The following RAI14 variants were observed in gnomAD, a reference collection of about 807,000 sequenced individuals.
RAI14 encodes ankycorbin.
In RAI14, 45 loss-of-function variants were observed where a neutral mutation model predicts 115.4. The observed-to-expected ratio is 0.39, with a 90% CI of 0.31 to 0.50. The LOEUF is 0.50. Among genes scored for constraint, RAI14 ranks in the 20% least tolerant of loss-of-function variants. The pLI, the probability that RAI14 is intolerant of heterozygous loss-of-function variation, is 0.85. For synonymous variants in RAI14, 371 were observed against 415.4 expected, an observed-to-expected ratio of 0.89 and a Z score of 1.30; for missense variants, 939 against 1,131.2, an observed-to-expected ratio of 0.83 and a Z score of 2.44.
chr5:34,775,099 C>G (rs1441254002), intron 3 of RAI14, among the ~76,000 whole-genome samples: 1 of 152,084 alleles, frequency 6.6e-6, no homozygotes, highest in African/African-American at 2.4e-5. Flanking sequence ...CTATCTCTTG[C>G]CATATACAAA....
intron 3 of RAI14, among the ~76,000 whole-genome samples, chr5:34,765,702 T>G (rs894621261): frequency 1.3e-5 from 2 of 152,220 alleles, no homozygotes; most frequent in Non-Finnish European, 2.9e-5. Flanking sequence ...AAAATTCATT[T>G]TCTGTGGAGA....
At chr5:34,747,643 A>C (rs1189822158) in intron 2 of RAI14, among the ~76,000 whole-genome samples, 1 of 152,244 alleles carries the variant, frequency 6.6e-6, no homozygotes, top group Non-Finnish European at 1.5e-5. Flanking sequence ...CACCTATTTT[A>C]GGCTTATCTC....
chr5:34,754,817 TC>T (rs1294180576), intron 2 of RAI14, among the ~76,000 whole-genome samples: 4 of 152,120 alleles, frequency 2.6e-5, no homozygotes, highest in African/African-American at 9.7e-5. Context: ...CCCTTAAAGA[TC>T]CATGTGGAAC....
intron 3 of RAI14, among the ~76,000 whole-genome samples, chr5:34,771,224 G>A (rs1483965825): frequency 6.6e-6 from 1 of 152,174 alleles, no homozygotes; most frequent in African/African-American, 2.4e-5. Flanking sequence ...CTTCTGCAAC[G>A]TCCTAACACT....
chr5:34,773,982 G>T (rs578182135), intron 3 of RAI14, among the ~76,000 whole-genome samples: 5 of 152,250 alleles, frequency 3.3e-5, no homozygotes, highest in Admixed American at 3.3e-4. Flanking sequence ...AAAGGAAAAA[G>T]CCAAGTTATT....
intron 2 of RAI14, among the ~76,000 whole-genome samples, chr5:34,737,450 C>T (rs922684886): frequency 6.6e-6 from 1 of 152,090 alleles, no homozygotes; most frequent in African/African-American, 2.4e-5. Flanking sequence ...AAATAGATCA[C>T]CACCTTTAGG....
At position 34,791,813 on chromosome 5, in the gene RAI14, T is replaced by C. The variant is rs1290845106; in HGVS notation, c.168-4126T>C. 2.6e-5 allele frequency among the ~76,000 whole-genome samples: 4 copies of C among 152,150 alleles called. No homozygotes were observed. Among genetic ancestry groups the C allele is most frequent in the Non-Finnish European group, 5.9e-5 (4 of 68,024 alleles). On this transcript the variant is annotated intron_variant, in intron 3 of 17. Transcript: ENST00000265109. This position sits in a 1 kb window ranked among gnomAD's most constrained non-coding sequence, Gnocchi z 5.4. Reference sequence around the variant, plus strand: ...GGAGGGAAAGCTGCAGCTGTGGCTGTGGGAGAGCCGGCCTGCAAAGCTGTG... The same window carrying C: ...GGAGGGAAAGCTGCAGCTGTGGCTGCGGGAGAGCCGGCCTGCAAAGCTGTG...
At chr5:34,752,776 CT>C (rs1334059135) in intron 2 of RAI14, among the ~76,000 whole-genome samples, 1 of 67,124 alleles carries the variant, frequency 1.5e-5, no homozygotes, top group Non-Finnish European at 3.1e-5. Flanking sequence ...TGTATCTTTT[CT>C]TTTTTTTTGA....
At chr5:34,770,682 C>T (rs189772185) in intron 3 of RAI14, among the ~76,000 whole-genome samples, 17 of 152,180 alleles carry the variant, frequency 1.1e-4, no homozygotes, top group Non-Finnish European at 1.8e-4. Flanking sequence ...GGTGGAAGGA[C>T]GCTTGATGTG....
At chr5:34,812,558 G>T (rs948532276) in intron 10 of RAI14, among the ~76,000 whole-genome samples, 1 of 151,986 alleles carries the variant, frequency 6.6e-6, no homozygotes, top group Non-Finnish European at 1.5e-5. Flanking sequence ...CCAGCTGCTC[G>T]GGAGGCTGAG....
intron 1 of RAI14, among the ~76,000 whole-genome samples, chr5:34,681,774 C>T (rs767097189): frequency 1.1e-4 from 17 of 151,934 alleles, no homozygotes; most frequent in Non-Finnish European, 1.9e-4. Flanking sequence ...GTTGGGATTA[C>T]AGATGTGAGT....
Position 34,814,629 on chromosome 5 carries a change from C to T in RAI14, c.899C>T (p.Ser300Leu), listed in dbSNP as rs140326715. ...SPRSITSTPL[S>L]GKESVFFAEP... ...AGATCAATAACTTCGACTCCACTAT[C>T]GGGAAAGGAATCGGTATTTTTTGCT... The change falls in exon 12 of 18, where the codon TCG becomes TTG. Residue 300 changes from serine to leucine, a missense_variant. Ser to Leu is a moderately radical substitution (Grantham distance 145). Transcript: ENST00000265109. 19 of 1,613,456 alleles carry T rather than the reference C, an allele frequency of 1.2e-5. No individual in the cohort carries two copies. The highest frequency in any genetic ancestry group is 7.7e-5 in the South Asian group (7 of 91,070).
At chr5:34,813,302 C>A (rs577079951) in intron 10 of RAI14, among the ~76,000 whole-genome samples, 1 of 152,186 alleles carries the variant, frequency 6.6e-6, no homozygotes, top group Non-Finnish European at 1.5e-5. Context: ...TTGTAGTAGA[C>A]CTCAACCTCT....
intron 3 of RAI14, among the ~76,000 whole-genome samples, chr5:34,768,652 T>C (rs1749741120): frequency 1.3e-5 from 2 of 152,288 alleles, no homozygotes; most frequent in Admixed American, 1.3e-4. Context: ...ACTATCCTTA[T>C]GAAGCCAAAC....
chr5:34,666,504 A>G (rs538823347), intron 1 of RAI14, among the ~76,000 whole-genome samples: 1 of 152,326 alleles, frequency 6.6e-6, no homozygotes, highest in South Asian at 2.1e-4. Context: ...CTTTTAGTTG[A>G]GGAACTGACC....
intron 2 of RAI14, among the ~76,000 whole-genome samples, chr5:34,736,769 C>T (rs942743724): frequency 2.0e-5 from 3 of 152,154 alleles, no homozygotes; most frequent in Admixed American, 6.5e-5. Flanking sequence ...AGGGTTACAT[C>T]GACAACTTTC....
intron 3 of RAI14, among the ~76,000 whole-genome samples, chr5:34,792,692 T>C (rs1027511137): frequency 2.0e-5 from 3 of 152,234 alleles, no homozygotes; most frequent in African/African-American, 7.2e-5. Context: ...GAACTAGCAA[T>C]GGTTTTACTA....
intron 2 of RAI14, among the ~76,000 whole-genome samples, chr5:34,717,053 A>G (rs947288058): frequency 1.3e-5 from 2 of 152,152 alleles, no homozygotes; most frequent in African/African-American, 4.8e-5. Context: ...TTGTATGTTT[A>G]TATATTCAGC....
At chr5:34,678,475 G>A (rs1744154135) in intron 1 of RAI14, among the ~76,000 whole-genome samples, 1 of 152,144 alleles carries the variant, frequency 6.6e-6, no homozygotes, top group African/African-American at 2.4e-5. Flanking sequence ...GGTAAAATAA[G>A]GTCATATGGG....
Sources: allele counts gnomAD v4.1 joint callset (sites outside exome capture counted in the v4.1 genomes callset), GRCh38; gene constraint gnomAD v4.1.1; non-coding constraint Gnocchi (gnomAD v3.1); transcripts MANE v1.5; gene names NCBI Gene and HGNC (gene_info 2026-07-23, HGNC 2026-07-21).